LMBRD1: variants seen among roughly 807,000 people sequenced by gnomAD.
The protein encoded by LMBRD1 is lysosomal cobalamin transport escort protein LMBD1.
Under a neutral mutation model 74.8 loss-of-function variants are expected in LMBRD1, and 64 were observed. The observed-to-expected ratio is 0.86, with a 90% CI of 0.70 to 1.05. The LOEUF (loss-of-function observed/expected upper bound fraction) is 1.05. Ranked by LOEUF, LMBRD1 falls within the 50% of genes least tolerant of loss-of-function variation. LMBRD1 has a pLI of 0.00. For missense variants in LMBRD1, 652 were observed against 645.9 expected (o/e 1.01, Z -0.10); for synonymous variants, 204 against 216.3 (o/e 0.94, Z 0.50).
chr6:69,793,071 T>G (rs1377655789), intron 1 of LMBRD1, among the ~76,000 whole-genome samples: 1 of 152,248 alleles, frequency 6.6e-6, no homozygotes, highest in East Asian at 1.9e-4. Context: ...TTAAATGAGA[T>G]ATAAAGGGTT....
At chr6:69,709,959 G>A (rs889748920) in intron 9 of LMBRD1, among the ~76,000 whole-genome samples, 2 of 152,138 alleles carry the variant, frequency 1.3e-5, no homozygotes, top group African/African-American at 4.8e-5. Context: ...ATCTATAAGA[G>A]TGAAAGTAAT....
chr6:69,793,961 C>A (rs536506385), intron 1 of LMBRD1, among the ~76,000 whole-genome samples: 1 of 152,070 alleles, frequency 6.6e-6, no homozygotes, highest in South Asian at 2.1e-4. Flanking sequence ...CTCAACTGAT[C>A]CACCTGCCTC....
At chr6:69,677,069 G>C (rs1187429033) in intron 14 of LMBRD1, among the ~76,000 whole-genome samples, 2 of 152,128 alleles carry the variant, frequency 1.3e-5, no homozygotes, top group African/African-American at 4.8e-5. Flanking sequence ...TATTTAGTCA[G>C]TTTTACATGA....
At chr6:69,758,245 C>T (rs1451635696) in intron 3 of LMBRD1, among the ~76,000 whole-genome samples, 5 of 152,098 alleles carry the variant, frequency 3.3e-5, no homozygotes, top group Non-Finnish European at 7.4e-5. Flanking sequence ...TACATCAAAA[C>T]ACAATGACAA....
intron 2 of LMBRD1, among the ~76,000 whole-genome samples, chr6:69,789,917 T>G (rs912578163): frequency 2.0e-5 from 3 of 152,244 alleles, no homozygotes; most frequent in Non-Finnish European, 4.4e-5. Context: ...CCTAATTCAC[T>G]ACACCATACT....
chr6:69,702,079 T>C (rs1413047636), intron 9 of LMBRD1, 126 bp from the exon 10 acceptor site: 2 of 661,034 alleles, frequency 3.0e-6, no homozygotes, highest in South Asian at 1.8e-5. Context: ...CTAAGATACA[T>C]TTTAACTTAG....
chr6:69,792,148 C>T (rs1766101802), intron 1 of LMBRD1, among the ~76,000 whole-genome samples: 1 of 152,226 alleles, frequency 6.6e-6, no homozygotes, highest in African/African-American at 2.4e-5. Flanking sequence ...AAACTCCAAA[C>T]CTCACCGTGT....
chr6:69,748,074 T>C (rs1417164989), intron 5 of LMBRD1, among the ~76,000 whole-genome samples: 2 of 152,232 alleles, frequency 1.3e-5, no homozygotes, highest in Non-Finnish European at 2.9e-5. Context: ...TGTTCTAAAA[T>C]AGGAGTTGGC....
At chr6:69,683,271 C>T (rs1765699820) in intron 14 of LMBRD1, among the ~76,000 whole-genome samples, 1 of 152,008 alleles carries the variant, frequency 6.6e-6, no homozygotes, top group Admixed American at 6.6e-5. Context: ...AATAAGATCA[C>T]TGAGGCCCTC....
intron 1 of LMBRD1, 81 bp downstream of exon 1, chr6:69,796,732 C>T (rs1357229434): frequency 1.3e-5 from 18 of 1,338,822 alleles, no homozygotes; most frequent in South Asian, 2.4e-5. Context: ...TCTCCGGGGC[C>T]CGGAGAGGCC....
intron 14 of LMBRD1, among the ~76,000 whole-genome samples, chr6:69,693,407 A>G (rs1185027407): frequency 6.6e-6 from 1 of 152,058 alleles, no homozygotes; most frequent in African/African-American, 2.4e-5. Context: ...TATATAAACA[A>G]TATTAATTTT....
intron 2 of LMBRD1, among the ~76,000 whole-genome samples, chr6:69,787,969 G>A (rs1765993767): frequency 6.6e-6 from 1 of 151,866 alleles, no homozygotes; most frequent in Non-Finnish European, 1.5e-5. Context: ...TTAAAATCTT[G>A]TTCAAACAAG....
chr6:69,741,997 G>C, intron 5 of LMBRD1, 120 bp from the exon 6 acceptor site: 1 of 623,104 alleles, frequency 1.6e-6, no homozygotes, highest in East Asian at 2.8e-5. Flanking sequence ...ACTATGCACA[G>C]AGGGGAGTGA....
At chr6:69,681,157 G>A (rs1293981304) in intron 14 of LMBRD1, among the ~76,000 whole-genome samples, 2 of 151,710 alleles carry the variant, frequency 1.3e-5, no homozygotes, top group East Asian at 3.9e-4. Context: ...TGGGGGAGGG[G>A]GGCTCAGATA....
At chr6:69,702,631 A>G (rs1766159446) in intron 9 of LMBRD1, among the ~76,000 whole-genome samples, 1 of 152,050 alleles carries the variant, frequency 6.6e-6, no homozygotes. Flanking sequence ...GTCTCTAATG[A>G]AAAGTTTCAG....
At chr6:69,774,947 A>G (rs546368328) in intron 3 of LMBRD1, among the ~76,000 whole-genome samples, 1 of 80,528 alleles carries the variant, frequency 1.2e-5, no homozygotes, top group East Asian at 3.6e-4. Flanking sequence ...ATACAGTGAG[A>G]TGGAAGGAAG....
rs746658628 is a variant in LMBRD1, at chr6:69,699,179, C to T, written c.1202G>A (p.Arg401Lys). 6 of 1,611,470 alleles carry T rather than the reference C, an allele frequency of 3.7e-6. No individual in the cohort carries two copies. The highest frequency in any genetic ancestry group is 1.1e-5 in the South Asian group (1 of 91,012). Residue 401 changes from arginine to lysine, a missense_variant, in exon 13 of 16, where the codon AGA becomes AAA. Physicochemically the swap from Arg to Lys is conservative, Grantham distance 26. This residue lies in a region of LMBRD1 where 598 missense variants were observed against 581.8 expected (regional missense o/e 1.03). Transcript: ENST00000649934. ...WFFWIRLYKI[R>K]RGRTRPQALL... ...TGCTTGGGGCCTGGTTCTACCTCTT[C>T]TGATTTTATATAACTGGAAAGAAAA...
rs1433743989 is a variant in LMBRD1, at chr6:69,790,425, C to T, written c.117G>A (p.Arg39=). The T allele has an allele frequency of 6.2e-7, 1 of 1,614,004 alleles. No homozygotes were observed. The highest frequency in any genetic ancestry group is 1.3e-5 in the African/African-American group (1 of 75,026). Residue 39 remains arginine (R), a synonymous_variant, in exon 2 of 16, where the codon CGG becomes CGA. Transcript: ENST00000649934. The part of the protein sequence containing the change: ...CWIYVRKYQS[R]RESEVVSTIT... ...TGGTGGAGACAACTTCACTTTCCCG[C>T]CGACTTTGGTATTTACGAACATATA... is the stretch of plus-strand genomic sequence containing the variant.
chr6:69,678,003 C>T (rs1765581797), intron 14 of LMBRD1, among the ~76,000 whole-genome samples: 1 of 152,032 alleles, frequency 6.6e-6, no homozygotes, highest in Non-Finnish European at 1.5e-5. Flanking sequence ...TACAGTTGAC[C>T]CTCAAGCAAA....
Sources: allele counts gnomAD v4.1 joint callset (sites outside exome capture counted in the v4.1 genomes callset), GRCh38; gene constraint gnomAD v4.1.1; regional missense constraint gnomAD v4.1.1; transcripts MANE v1.5; gene names NCBI Gene and HGNC (gene_info 2026-07-23, HGNC 2026-07-21).